The following FGF13 variants were observed in gnomAD, a reference collection of about 807,000 sequenced individuals.
FGF13 encodes the protein fibroblast growth factor homologous factor 2.
A neutral mutation model predicts 19.5 loss-of-function variants in FGF13; 2 were observed. That is an observed-to-expected ratio of 0.10 (90% CI 0.04 to 0.32). The LOEUF (loss-of-function observed/expected upper bound fraction) is 0.32, where lower values mean the gene tolerates loss of function less well. FGF13 is among the 10% of genes least tolerant of loss of function. The probability of loss-of-function intolerance (pLI) is 1.00; values close to 1 mark genes in which losing one functional copy is unlikely to be tolerated. For missense variants in FGF13, 113 were observed against 192.7 expected, an observed-to-expected ratio of 0.59 and a Z score of 2.45; for synonymous variants, 72 against 76.9, an observed-to-expected ratio of 0.94 and a Z score of 0.33.
intron 1 of FGF13, among the ~76,000 whole-genome samples, chrX:138,879,723 T>G (rs1268685142): frequency 9.1e-6 from 1 of 109,820 alleles, no homozygotes; most frequent in Non-Finnish European, 1.9e-5. Flanking sequence ...GTGTTCTCAT[T>G]GTTCAACTCC....
chrX:138,986,999 C>T (rs984790386), intron 1 of FGF13, among the ~76,000 whole-genome samples: 1 of 111,733 alleles, frequency 8.9e-6, no homozygotes, highest in East Asian at 2.8e-4. Context: ...ACCTGAAAAA[C>T]CTTCAGAAGA....
At chrX:138,874,506 G>A (rs1339523063) in intron 1 of FGF13, among the ~76,000 whole-genome samples, 2 of 111,291 alleles carry the variant, frequency 1.8e-5, no homozygotes, top group Non-Finnish European at 3.8e-5. Flanking sequence ...TACTATATAT[G>A]AGATATTCTA....
chrX:138,848,300 G>A (rs1216450919), intron 3 of FGF13, among the ~76,000 whole-genome samples: 1 of 110,985 alleles, frequency 9.0e-6, no homozygotes, highest in East Asian at 2.9e-4. Context: ...TCTATCACAG[G>A]GCACCTTTTG....
At chrX:138,685,087 G>A (rs921755091) in intron 3 of FGF13, among the ~76,000 whole-genome samples, 1 of 111,589 alleles carries the variant, frequency 9.0e-6, no homozygotes, top group African/African-American at 3.3e-5. Flanking sequence ...GGTATGCTTC[G>A]TTTAGCAACC....
chrX:139,071,853 T>A (rs912108830), intron 1 of FGF13, among the ~76,000 whole-genome samples: 5 of 107,842 alleles, frequency 4.6e-5, no homozygotes, highest in African/African-American at 1.0e-4. Flanking sequence ...CCATCTCTAC[T>A]AAAATTACAA....
At chrX:139,154,022 G>C (rs1242125678) in intron 1 of FGF13, among the ~76,000 whole-genome samples, 1 of 111,623 alleles carries the variant, frequency 9.0e-6, no homozygotes, top group Non-Finnish European at 1.9e-5. Context: ...ATTTTCTGTT[G>C]TTTCAAGGAA....
chrX:138,728,103 T>C (rs1181201055), intron 1 of FGF13, among the ~76,000 whole-genome samples: 1 of 111,707 alleles, frequency 9.0e-6, no homozygotes, highest in Non-Finnish European at 1.9e-5. Flanking sequence ...ACATTTATAT[T>C]AGATCAAAGC....
chrX:139,035,263 GC>G (rs750580552), intron 1 of FGF13, among the ~76,000 whole-genome samples: 1 of 111,261 alleles, frequency 9.0e-6, no homozygotes, highest in Non-Finnish European at 1.9e-5. Flanking sequence ...GTTCAAAAAT[GC>G]CCCAGGCTTG....
chrX:138,820,669 G>A (rs901288051), intron 3 of FGF13, among the ~76,000 whole-genome samples: 8 of 112,068 alleles, frequency 7.1e-5, no homozygotes, highest in Non-Finnish European at 1.5e-4. Context: ...ACATCTGAAG[G>A]TAACGCAGTG....
chrX:139,099,377 C>CA (rs59882808), intron 1 of FGF13, among the ~76,000 whole-genome samples: 1,257 of 32,398 alleles, frequency 0.039, 37 homozygotes, highest in African/African-American at 0.092. Context: ...GTTTCTATCT[C>CA]AAAAAAAAAA....
In FGF13 at chrX:138,622,505, A is replaced by G. The variant is rs906507763; in HGVS notation, c.*10345T>C. 3.6e-5 allele frequency: 4 copies of G among 112,508 alleles called. No individual in the cohort carries two copies. The highest frequency in any genetic ancestry group is 2.8e-4 in the Admixed American group (3 of 10,637). The allele number at this position is 112,508 out of a possible 1,213,427, so 9.3% of individuals were successfully genotyped here. ...ACTCACATCTAACGTGATAGTCAGTAGTGAAATGCTGAAAGCTTTTCTTCT... is the reference window on the plus strand; with the variant it reads ...ACTCACATCTAACGTGATAGTCAGTGGTGAAATGCTGAAAGCTTTTCTTCT... On this transcript the variant is annotated 3_prime_UTR_variant, in exon 5 of 5. Transcript: ENST00000315930.
rs1283138582 is a variant in FGF13, at chrX:138,615,791, C to T, written c.*17059G>A. 1 of 111,723 alleles carries T rather than the reference C, an allele frequency of 9.0e-6. No homozygotes were observed. The highest frequency in any genetic ancestry group is 2.8e-4 in the East Asian group (1 of 3,539). The allele number at this position is 111,723 out of a possible 1,213,427, so 9.2% of individuals were successfully genotyped here. On this transcript the variant is annotated 3_prime_UTR_variant, in exon 5 of 5. Transcript: ENST00000315930. Reference sequence around the variant, plus strand: ...GAGTTTTAACTGACTCACAGTTCCGCATGGCTTCGGAGGCCTCAGGAGACT... The same window carrying T: ...GAGTTTTAACTGACTCACAGTTCCGTATGGCTTCGGAGGCCTCAGGAGACT...
intron 1 of FGF13, among the ~76,000 whole-genome samples, chrX:138,723,962 A>C (rs2090166709): frequency 9.0e-6 from 1 of 111,548 alleles, no homozygotes; most frequent in Admixed American, 9.5e-5. Flanking sequence ...TCAGGTAAGA[A>C]AATTAAGGCC....
intron 1 of FGF13, among the ~76,000 whole-genome samples, chrX:138,911,358 AG>A (rs1454860703): frequency 5.4e-5 from 6 of 110,413 alleles, no homozygotes; most frequent in Non-Finnish European, 9.5e-5. Context: ...AAACTAATGC[AG>A]GAACAGAAAA....
At chrX:139,126,242 T>C (rs897089844) in intron 1 of FGF13, among the ~76,000 whole-genome samples, 1 of 111,655 alleles carries the variant, frequency 9.0e-6, no homozygotes, top group Non-Finnish European at 1.9e-5. Context: ...ACCCTTCCCA[T>C]AGAACGTCCT....
chrX:138,848,187 G>A (rs1409690229), intron 3 of FGF13, among the ~76,000 whole-genome samples: 2 of 111,853 alleles, frequency 1.8e-5, no homozygotes, highest in Admixed American at 1.9e-4. Context: ...AAACAAGTAA[G>A]GGAACTTCAG....
chrX:139,104,759 T>C (rs1362042319), intron 1 of FGF13, among the ~76,000 whole-genome samples: 1 of 110,999 alleles, frequency 9.0e-6, no homozygotes, highest in East Asian at 2.9e-4. Flanking sequence ...GGCAGGGAGC[T>C]AGCTCTCTGC....
chrX:139,175,595 A>G (rs2084174705), intron 1 of FGF13, among the ~76,000 whole-genome samples: 1 of 111,613 alleles, frequency 9.0e-6, no homozygotes, highest in Admixed American at 9.5e-5. Flanking sequence ...GTTTATAGAG[A>G]GTTTTTAGCA....
intron 1 of FGF13, among the ~76,000 whole-genome samples, chrX:138,972,990 T>C: frequency 9.0e-6 from 1 of 111,728 alleles, no homozygotes; most frequent in African/African-American, 3.2e-5. Flanking sequence ...CTTTATAATT[T>C]ATTTAGGACC....
Sources: allele counts gnomAD v4.1 joint callset (sites outside exome capture counted in the v4.1 genomes callset), GRCh38; gene constraint gnomAD v4.1.1; transcripts MANE v1.5; gene names NCBI Gene and HGNC (gene_info 2026-07-23, HGNC 2026-07-21).